Variants in SORCS3 observed in about 807,000 individuals in gnomAD.
The protein encoded by SORCS3 is sortilin related VPS10 domain containing receptor 3.
A neutral mutation model predicts 146.3 loss-of-function variants in SORCS3; 57 were observed. That is an observed-to-expected ratio of 0.39 (90% CI 0.31 to 0.49). The LOEUF (loss-of-function observed/expected upper bound fraction) is 0.49, where lower values mean the gene tolerates loss of function less well. SORCS3 is among the 20% of genes least tolerant of loss of function. The pLI is 0.92. For synonymous variants in SORCS3, 653 were observed against 618.5 expected (o/e 1.06, Z -0.83); for missense variants, 1,341 against 1,575.5 (o/e 0.85, Z 2.52).
intron 3 of SORCS3, among the ~76,000 whole-genome samples, chr10:104,963,312 A>G (rs980362259): frequency 2.0e-5 from 3 of 152,138 alleles, no homozygotes; most frequent in Non-Finnish European, 4.4e-5. Flanking sequence ...AGCTCACTCC[A>G]CTGGCTTTGC....
chr10:105,178,235 G>A lies in SORCS3; in HGVS notation c.2009+62G>A. The A allele has an allele frequency of 2.9e-6, 4 of 1,357,568 alleles. No homozygotes were observed. In the East Asian group the frequency reaches 9.6e-5, roughly 32 times the overall value. The allele number at this position is 1,357,568 out of a possible 1,614,324, so 84.1% of individuals were successfully genotyped here. On this transcript the variant is annotated intron_variant, in intron 14 of 26. Coordinates refer to ENST00000369701, the MANE Select transcript of SORCS3 (RefSeq NM_014978.3). ...GAGACACTGGTTCTACTTTCATTGA[G>A]GCCTTGGATTTTTCCCAGGGAACCC...
At chr10:104,788,214 A>G (rs959408843) in intron 1 of SORCS3, among the ~76,000 whole-genome samples, 2 of 152,204 alleles carry the variant, frequency 1.3e-5, no homozygotes, top group African/African-American at 4.8e-5. Context: ...AAAGAAAACT[A>G]AAACGGAGCC....
At chr10:104,828,704 A>C (rs1004212849) in intron 1 of SORCS3, among the ~76,000 whole-genome samples, 1 of 152,162 alleles carries the variant, frequency 6.6e-6, no homozygotes, top group Admixed American at 6.5e-5. Flanking sequence ...AAGTGCAATC[A>C]AGTGAAACAC....
At chr10:104,808,311 G>A (rs994627477) in intron 1 of SORCS3, among the ~76,000 whole-genome samples, 1 of 152,220 alleles carries the variant, frequency 6.6e-6, no homozygotes. Context: ...GGCTGAGGAT[G>A]TAAAGACAGG....
chr10:104,751,968 T>TATATATATATATAA (rs1369449514), intron 1 of SORCS3, among the ~76,000 whole-genome samples: 5 of 128,458 alleles, frequency 3.9e-5, no homozygotes, highest in Non-Finnish European at 8.3e-5. Flanking sequence ...TATATATATA[T>TATATATATATATAA]AATAGTTTAG....
chr10:104,808,584 A>G (rs2017706475), intron 1 of SORCS3, among the ~76,000 whole-genome samples: 1 of 152,230 alleles, frequency 6.6e-6, no homozygotes, highest in Admixed American at 6.5e-5. Context: ...TGGAATCAAA[A>G]AAGAGAATGA....
At chr10:105,199,777 A>G (rs977950485) in intron 14 of SORCS3, among the ~76,000 whole-genome samples, 1 of 152,182 alleles carries the variant, frequency 6.6e-6, no homozygotes, top group African/African-American at 2.4e-5. Flanking sequence ...TTTGCAATTT[A>G]AAAAATGGTT....
At chr10:104,856,819 TATATA>T (rs1392195902) in intron 2 of SORCS3, among the ~76,000 whole-genome samples, 2 of 144,104 alleles carry the variant, frequency 1.4e-5, no homozygotes, top group African/African-American at 5.0e-5. Flanking sequence ...ATTATATAAA[TATATA>T]ATATATATCA....
chr10:105,084,358 T>C (rs1247286302), intron 5 of SORCS3, among the ~76,000 whole-genome samples: 1 of 152,220 alleles, frequency 6.6e-6, no homozygotes, highest in Non-Finnish European at 1.5e-5. Context: ...TTATTATATA[T>C]ACTTTCCCAA....
intron 1 of SORCS3, among the ~76,000 whole-genome samples, chr10:104,750,467 T>TA (rs2133468205): frequency 6.6e-6 from 1 of 152,304 alleles, no homozygotes; most frequent in African/African-American, 2.4e-5. Flanking sequence ...AACCTGAAGA[T>TA]AGTGTCCCAA....
intron 2 of SORCS3, among the ~76,000 whole-genome samples, chr10:104,853,969 C>T (rs149021611): frequency 3.8e-4 from 58 of 152,232 alleles, no homozygotes; most frequent in African/African-American, 5.1e-4. Flanking sequence ...ATGATGAACC[C>T]GAGATTCGTG....
At chr10:105,230,981 T>C (rs939816174) in intron 20 of SORCS3, among the ~76,000 whole-genome samples, 1 of 152,104 alleles carries the variant, frequency 6.6e-6, no homozygotes, top group Admixed American at 6.5e-5. Context: ...GTGGCTAGGG[T>C]TGTAGGAGTC....
chr10:104,972,287 A>G (rs1018593974), intron 3 of SORCS3, among the ~76,000 whole-genome samples: 5 of 152,212 alleles, frequency 3.3e-5, no homozygotes, highest in South Asian at 2.1e-4. Flanking sequence ...CTTTCTCAAG[A>G]TGATACAATA....
In SORCS3 at chr10:105,214,581, C is replaced by T. The variant is rs2056654516; in HGVS notation, c.2515C>T (p.His839Tyr). 6.2e-7 allele frequency: 1 copy of T among 1,602,022 alleles called. No homozygotes were observed. Among genetic ancestry groups the T allele is most frequent in the Non-Finnish European group, 8.5e-7 (1 of 1,174,170 alleles). ...TDGRLVAEQGHNATFIILMEE... is the reference protein window; with the variant it reads ...TDGRLVAEQGYNATFIILMEE... ...TGGGCGGCTGGTGGCAGAGCAGGGG[C>T]ACAATGCAACTTTCATCATCCTCAT... The change falls in exon 18 of 27, where the codon CAC becomes TAC. Residue 839 changes from histidine to tyrosine, a missense_variant. His to Tyr is a moderately conservative substitution (Grantham distance 83). Transcript: ENST00000369701.
chr10:104,666,659 G>A (rs1438827016), intron 1 of SORCS3, among the ~76,000 whole-genome samples: 2 of 152,290 alleles, frequency 1.3e-5, no homozygotes, highest in African/African-American at 4.8e-5. Context: ...AGACTGGAGT[G>A]CAGTGATGTG....
intron 20 of SORCS3, among the ~76,000 whole-genome samples, chr10:105,242,647 TATTTATATACATTTATATATATTTA>T (rs2056838288): frequency 1.1e-5 from 1 of 94,632 alleles, no homozygotes; most frequent in African/African-American, 4.1e-5. Flanking sequence ...TTTATATATA[TATTTATATACATTTATATATATTTA>T]TATATATTTA....
At chr10:105,107,009 T>C (rs2055826588) in intron 7 of SORCS3, among the ~76,000 whole-genome samples, 1 of 152,170 alleles carries the variant, frequency 6.6e-6, no homozygotes, top group Non-Finnish European at 1.5e-5. Flanking sequence ...CAAGGTTTGA[T>C]GACTTTCAAG....
chr10:104,686,725 A>T (rs142520821), intron 1 of SORCS3, among the ~76,000 whole-genome samples: 1 of 152,226 alleles, frequency 6.6e-6, no homozygotes, highest in Non-Finnish European at 1.5e-5. Flanking sequence ...CTCACTGCAC[A>T]TGATGGAAAA....
chr10:105,143,280 C>T (rs2056108041), intron 8 of SORCS3, among the ~76,000 whole-genome samples: 1 of 152,080 alleles, frequency 6.6e-6, no homozygotes, highest in Non-Finnish European at 1.5e-5. Context: ...GGATCCCCTT[C>T]TTACCACTCT....
Sources: gnomAD v4.1 joint callset for allele counts (sites outside exome capture counted in the v4.1 genomes callset) on GRCh38, gnomAD v4.1.1 for gene constraint, MANE v1.5 for transcripts, NCBI Gene and HGNC (gene_info 2026-07-23, HGNC 2026-07-21) for gene names.